SYTL2: variants seen among roughly 807,000 people sequenced by gnomAD.
SYTL2 encodes synaptotagmin-like protein 2.
Under a neutral mutation model 198.7 loss-of-function variants are expected in SYTL2, and 165 were observed. That is an observed-to-expected ratio of 0.83 (90% CI 0.73 to 0.94). The LOEUF is 0.94. Ranked by LOEUF, SYTL2 falls within the 40% of genes least tolerant of loss-of-function variation. The pLI is 0.00. For missense variants in SYTL2, 2,835 were observed against 2,582.8 expected, an observed-to-expected ratio of 1.10 and a Z score of -2.12; for synonymous variants, 966 against 917.7, an observed-to-expected ratio of 1.05 and a Z score of -0.95.
chr11:85,727,139 G>A lies in SYTL2; in HGVS notation c.2219C>T (p.Thr740Ile). The A allele has an allele frequency of 1.3e-6, 2 of 1,536,204 alleles. No homozygotes were observed. Among genetic ancestry groups the A allele is most frequent in the Non-Finnish European group, 1.7e-6 (2 of 1,146,772 alleles). ...CTCTAAGGAGGCTTTCAGGATATAG[G>A]TATTTCCTACTTTGCTCTTTCTCTC... Reference protein sequence around the residue: ...NAERKSKVGNTYILKASLEPE... With the variant: ...NAERKSKVGNIYILKASLEPE... Residue 740 changes from threonine (T) to isoleucine (I), a missense_variant, in exon 8 of 20, where the codon ACC (threonine) becomes ATC (isoleucine). Thr to Ile is a moderately conservative substitution (Grantham distance 89, BLOSUM62 -1). This residue lies in a region of SYTL2 where 2,645 missense variants were observed against 2,381.7 expected (regional missense o/e 1.11). Coordinates refer to ENST00000359152, the MANE Select transcript of SYTL2 (RefSeq NM_206927.4).
At chr11:85,839,581 A>T in the SYTL2 span, among the ~76,000 whole-genome samples, 9 of 152,178 alleles carry the variant, frequency 5.9e-5, no homozygotes. Flanking sequence ...TAACATAATG[A>T]TATTCAGTTT....
chr11:85,710,017 A>G (rs1193507087), intron 13 of SYTL2, among the ~76,000 whole-genome samples: 1 of 152,172 alleles, frequency 6.6e-6, no homozygotes, highest in African/African-American at 2.4e-5. Context: ...CCTATAAGAC[A>G]TAGATGAAAA....
chr11:85,697,126 C>G (rs1305711789), intron 18 of SYTL2, among the ~76,000 whole-genome samples: 1 of 152,116 alleles, frequency 6.6e-6, no homozygotes, highest in Non-Finnish European at 1.5e-5. Flanking sequence ...AAAAATCTTA[C>G]CAGCTGACAT....
intron 1 of SYTL2, among the ~76,000 whole-genome samples, chr11:85,769,557 T>G (rs1591976433): frequency 1.3e-5 from 2 of 152,330 alleles, no homozygotes; most frequent in African/African-American, 4.8e-5. Flanking sequence ...TATAAGTTTG[T>G]GTTGTCTTAA....
chr11:85,729,703 A>G (rs1245902041), intron 7 of SYTL2, among the ~76,000 whole-genome samples: 1 of 152,176 alleles, frequency 6.6e-6, no homozygotes, highest in African/African-American at 2.4e-5. Context: ...GAGCAAACAA[A>G]TTCAAAAGCT....
rs1176547386 is a variant in SYTL2, at chr11:85,718,926, G to A, written c.5429-83C>T. 6 of 1,567,052 alleles carry A rather than the reference G, an allele frequency of 3.8e-6. No homozygotes were observed. In the Admixed American group the frequency reaches 7.5e-5, roughly 20 times the overall value. On this transcript the variant is annotated intron_variant, in intron 9 of 19. Transcript: ENST00000359152. ...AATGAGATTGTCCCTGGAAGCCCCCGGAGTTGGAAGCAATTAGTCAAGATG... is the reference window on the plus strand; with the variant it reads ...AATGAGATTGTCCCTGGAAGCCCCCAGAGTTGGAAGCAATTAGTCAAGATG...
At chr11:85,715,502 A>T (rs1202918775) in intron 11 of SYTL2, among the ~76,000 whole-genome samples, 1 of 152,184 alleles carries the variant, frequency 6.6e-6, no homozygotes, top group Non-Finnish European at 1.5e-5. Flanking sequence ...GAAAATAGGT[A>T]AAAATCAAAT....
At chr11:85,807,732 G>A (rs1010583401) in intron 1 of SYTL2, among the ~76,000 whole-genome samples, 2 of 152,172 alleles carry the variant, frequency 1.3e-5, no homozygotes, top group Admixed American at 1.3e-4. Flanking sequence ...TGTTTAGCAA[G>A]AGTACAGCTT....
the SYTL2 span, among the ~76,000 whole-genome samples, chr11:85,833,623 C>T: frequency 6.6e-6 from 1 of 151,650 alleles, no homozygotes; most frequent in Non-Finnish European, 1.5e-5. Flanking sequence ...CATAAGAAAA[C>T]CTCACACATA....
intron 7 of SYTL2, among the ~76,000 whole-genome samples, chr11:85,728,900 G>A (rs1188238383): frequency 6.6e-6 from 1 of 152,174 alleles, no homozygotes; most frequent in Non-Finnish European, 1.5e-5. Context: ...ATTGGGCACA[G>A]TAATCTTTAC....
At chr11:85,741,460 G>A (rs2090779477) in intron 4 of SYTL2, among the ~76,000 whole-genome samples, 2 of 152,122 alleles carry the variant, frequency 1.3e-5, no homozygotes, top group South Asian at 4.1e-4. Context: ...ATGTCACAGT[G>A]AAACTATTCT....
Position 85,736,583 on chromosome 11 carries a change from C to A in SYTL2, c.504G>T (p.Leu168Phe). 1 of 1,602,510 alleles carries A rather than the reference C, an allele frequency of 6.2e-7. No individual in the cohort carries two copies. The highest frequency in any genetic ancestry group is 8.5e-7 in the Non-Finnish European group (1 of 1,171,172). ...TTTGTTGTGATGAGTGACCTTCTGG[C>A]AACTTGGAGCTATTAAACGGATTCT... ...QRKNPFNSSKLPEGHSSQQTK... is the reference protein window; with the variant it reads ...QRKNPFNSSKFPEGHSSQQTK... The change falls in exon 6 of 20, where the codon TTG becomes TTT. Residue 168 changes from leucine (L) to phenylalanine (F), a missense_variant. Physicochemically the swap from Leu to Phe is conservative, Grantham distance 22. Transcript: ENST00000359152.
At chr11:85,776,793 T>C (rs1351927183) in intron 1 of SYTL2, among the ~76,000 whole-genome samples, 1 of 152,250 alleles carries the variant, frequency 6.6e-6, no homozygotes, top group African/African-American at 2.4e-5. Flanking sequence ...TCAAATGATA[T>C]TTCTAGTTCT....
intron 1 of SYTL2, among the ~76,000 whole-genome samples, chr11:85,793,793 G>A (rs1029699609): frequency 2.0e-5 from 3 of 152,154 alleles, no homozygotes; most frequent in African/African-American, 7.2e-5. Context: ...CCCAAAAAAG[G>A]TTGGAGAATC....
chr11:85,833,282 T>G, the SYTL2 span, among the ~76,000 whole-genome samples: 1 of 148,864 alleles, frequency 6.7e-6, no homozygotes, highest in Admixed American at 6.7e-5. Flanking sequence ...ATGTAGGTAT[T>G]TGGGTACATC....
At chr11:85,799,979 G>A (rs565963493) in intron 1 of SYTL2, among the ~76,000 whole-genome samples, 1 of 152,258 alleles carries the variant, frequency 6.6e-6, no homozygotes, top group South Asian at 2.1e-4. Flanking sequence ...TTTAATAATA[G>A]TTTAAAGAGA....
the SYTL2 span, among the ~76,000 whole-genome samples, chr11:85,850,253 T>C: frequency 6.6e-6 from 1 of 151,564 alleles, no homozygotes; most frequent in Middle Eastern, 3.4e-3. Flanking sequence ...TTTGACTTCC[T>C]CTTTTCCTAA....
At position 85,711,164 on chromosome 11, in the gene SYTL2, C is replaced by G; in HGVS notation, c.5694G>C (p.Pro1898=). The change falls in exon 13 of 20, where the codon CCG becomes CCC. Residue 1898 remains proline, a synonymous_variant. Transcript: ENST00000359152. ...SYQLSRHKKS[P]SSLTNLSSSS... is the part of the protein sequence containing the mutation. ...AGCTGCTAAGATTGGTTAAAGAGCTCGGGCTCTTCTTGTGTCTGCTGAGCT... is the reference window on the plus strand; with the variant it reads ...AGCTGCTAAGATTGGTTAAAGAGCTGGGGCTCTTCTTGTGTCTGCTGAGCT... The G allele has an allele frequency of 6.2e-7, 1 of 1,614,010 alleles. No individual in the cohort carries two copies. The highest frequency in any genetic ancestry group is 8.5e-7 in the Non-Finnish European group (1 of 1,179,934).
intron 1 of SYTL2, among the ~76,000 whole-genome samples, chr11:85,799,435 G>C (rs1283089915): frequency 6.6e-6 from 1 of 152,188 alleles, no homozygotes; most frequent in Admixed American, 6.5e-5. Flanking sequence ...AATTAGCATA[G>C]AGCTGCAGTT....
Sources: allele counts gnomAD v4.1 joint callset (sites outside exome capture counted in the v4.1 genomes callset), GRCh38; gene constraint gnomAD v4.1.1; regional missense constraint gnomAD v4.1.1; transcripts MANE v1.5; gene names NCBI Gene and HGNC (gene_info 2026-07-23, HGNC 2026-07-21).